SLC25A12: variants seen among roughly 807,000 people sequenced by gnomAD.
The protein encoded by SLC25A12 is electrogenic aspartate/glutamate antiporter SLC25A12, mitochondrial.
A neutral mutation model predicts 83.3 loss-of-function variants in SLC25A12; 32 were observed. That is an observed-to-expected ratio of 0.38 (90% CI 0.29 to 0.52). SLC25A12 has a LOEUF of 0.52. Among genes scored for constraint, SLC25A12 ranks in the 20% least tolerant of loss-of-function variants. The pLI is 0.84. For synonymous variants in SLC25A12, 267 were observed against 291.1 expected (o/e 0.92, Z 0.84); for missense variants, 611 against 835.6 (o/e 0.73, Z 3.31).
At chr2:171,827,294 G>A (rs1444747718) in intron 8 of SLC25A12, among the ~76,000 whole-genome samples, 1 of 146,480 alleles carries the variant, frequency 6.8e-6, no homozygotes, top group Non-Finnish European at 1.5e-5. Flanking sequence ...ACAAGGGTAT[G>A]AGGGAGACTT....
At chr2:171,846,512 A>G (rs2105897171) in intron 4 of SLC25A12, among the ~76,000 whole-genome samples, 1 of 152,270 alleles carries the variant, frequency 6.6e-6, no homozygotes, top group Non-Finnish European at 1.5e-5. Flanking sequence ...TCAATTATCT[A>G]TAAAAATTTT....
chr2:171,854,023 C>A (rs1369595750), intron 4 of SLC25A12, among the ~76,000 whole-genome samples: 1 of 152,184 alleles, frequency 6.6e-6, no homozygotes, highest in African/African-American at 2.4e-5. Flanking sequence ...ACATCTGAAT[C>A]CAGTTATTTT....
rs192308128 is a variant in SLC25A12 at position 171,894,131 on chromosome 2, G to A, written c.12+72C>T. 277 of 1,558,942 alleles carry A rather than the reference G, an allele frequency of 1.8e-4. No individual in the cohort carries two copies. The African/African-American group carries it at 3.3e-3, about 19-fold the overall frequency. ...TAGACAATGAATAAAATGGGAAGCA[G>A]TGGGGGGCTGCAGGCAGGGCGCTCG... On this transcript the variant is annotated intron_variant, in intron 1 of 17. Transcript: ENST00000422440.
intron 8 of SLC25A12, among the ~76,000 whole-genome samples, chr2:171,833,373 T>C (rs1684485490): frequency 6.6e-6 from 1 of 152,076 alleles, no homozygotes; most frequent in Non-Finnish European, 1.5e-5. Flanking sequence ...TAGTTTAGAA[T>C]ATAAATTCCA....
intron 3 of SLC25A12, among the ~76,000 whole-genome samples, chr2:171,861,638 C>A (rs1262545468): frequency 6.6e-6 from 1 of 152,144 alleles, no homozygotes; most frequent in Admixed American, 6.6e-5. Flanking sequence ...GAACTCCTAG[C>A]CTCAGGAGAT....
intron 2 of SLC25A12, among the ~76,000 whole-genome samples, chr2:171,882,011 T>C (rs1345462018): frequency 6.6e-6 from 1 of 152,208 alleles, no homozygotes; most frequent in Admixed American, 6.5e-5. Context: ...TAAGGTATTT[T>C]TGCAGATAGT....
chr2:171,811,094 T>G (rs1683937883), intron 11 of SLC25A12, among the ~76,000 whole-genome samples: 1 of 152,230 alleles, frequency 6.6e-6, no homozygotes, highest in South Asian at 2.1e-4. Context: ...CATACTTTTT[T>G]GCATACATTT....
At chr2:171,851,570 G>A (rs999478334) in intron 4 of SLC25A12, among the ~76,000 whole-genome samples, 8 of 150,468 alleles carry the variant, frequency 5.3e-5, no homozygotes, top group South Asian at 2.1e-4. Context: ...GTTTCACTCC[G>A]GTTACCCAGG....
intron 3 of SLC25A12, among the ~76,000 whole-genome samples, chr2:171,857,061 G>C (rs143289697): frequency 2.6e-5 from 4 of 152,290 alleles, no homozygotes; most frequent in African/African-American, 9.6e-5. Flanking sequence ...ATACATGTTT[G>C]AAACATCACT....
intron 3 of SLC25A12, among the ~76,000 whole-genome samples, chr2:171,867,440 G>C (rs1287001297): frequency 6.6e-6 from 1 of 152,248 alleles, no homozygotes; most frequent in South Asian, 2.1e-4. Flanking sequence ...AGACCAGCCC[G>C]GCCAACACAG....
Position 171,785,193 on chromosome 2 carries a change from G to T in SLC25A12, c.*81C>A. On this transcript the variant is annotated 3_prime_UTR_variant, in exon 18 of 18. Transcript: ENST00000422440. ...TCCTCAGCTCAGTCAGTACCATGCA[G>T]CTGACTGGATACATTACAGGGCTGC... is the stretch of plus-strand genomic sequence containing the variant. The T allele has an allele frequency of 1.6e-6, 2 of 1,264,370 alleles. No individual in the cohort carries two copies. Among genetic ancestry groups the T allele is most frequent in the Non-Finnish European group, 2.3e-6 (2 of 866,208 alleles). The allele number at this position is 1,264,370 out of a possible 1,614,324, so 78.3% of individuals were successfully genotyped here.
chr2:171,833,234 T>A (rs1412246047), intron 8 of SLC25A12, among the ~76,000 whole-genome samples: 1 of 152,114 alleles, frequency 6.6e-6, no homozygotes, highest in African/African-American at 2.4e-5. Flanking sequence ...CCCCAATAGG[T>A]AGGGACTGTG....
At chr2:171,797,293 T>C (rs1175888343) in intron 13 of SLC25A12, among the ~76,000 whole-genome samples, 1 of 152,146 alleles carries the variant, frequency 6.6e-6, no homozygotes, top group Non-Finnish European at 1.5e-5. Context: ...TAGATACAAT[T>C]CTATGCTATT....
chr2:171,842,879 C>T (rs1168037784), intron 5 of SLC25A12, among the ~76,000 whole-genome samples: 3 of 152,004 alleles, frequency 2.0e-5, no homozygotes, highest in South Asian at 2.1e-4. Context: ...TGGAGTGCAG[C>T]GATGCAATCT....
intron 12 of SLC25A12, 57 bp from the exon 13 acceptor site, chr2:171,809,743 T>C: frequency 7.9e-7 from 1 of 1,265,762 alleles, no homozygotes; most frequent in Non-Finnish European, 1.2e-6. Flanking sequence ...TCTTCTGGCA[T>C]ACTGTTGCTT....
chr2:171,891,374 C>T (rs1272540552), intron 2 of SLC25A12, among the ~76,000 whole-genome samples: 2 of 152,112 alleles, frequency 1.3e-5, no homozygotes, highest in Non-Finnish European at 2.9e-5. Context: ...CACCTCTACC[C>T]CCACTCAAAA....
intron 2 of SLC25A12, among the ~76,000 whole-genome samples, chr2:171,873,629 C>G (rs1168357250): frequency 6.6e-6 from 1 of 152,072 alleles, no homozygotes; most frequent in Non-Finnish European, 1.5e-5. Flanking sequence ...AGTGGAAAGT[C>G]TTCCTCCTAC....
intron 11 of SLC25A12, among the ~76,000 whole-genome samples, chr2:171,811,671 T>C (rs1247025005): frequency 2.6e-5 from 4 of 152,172 alleles, no homozygotes; most frequent in Non-Finnish European, 4.4e-5. Flanking sequence ...AAGTCTCTCA[T>C]TTAAAGAACT....
intron 5 of SLC25A12, 34 bp downstream of exon 5, chr2:171,844,335 A>G: frequency 1.2e-6 from 2 of 1,602,986 alleles, no homozygotes; most frequent in Non-Finnish European, 1.7e-6. Flanking sequence ...GAAGAATAGT[A>G]TATATTGATA....
Sources: gnomAD v4.1 joint callset for allele counts (sites outside exome capture counted in the v4.1 genomes callset) on GRCh38, gnomAD v4.1.1 for gene constraint, MANE v1.5 for transcripts, NCBI Gene and HGNC (gene_info 2026-07-23, HGNC 2026-07-21) for gene names.